CCDC171: variants seen among roughly 807,000 people sequenced by gnomAD.
The protein encoded by CCDC171 is coiled-coil domain containing 171.
Under a neutral mutation model 168.2 loss-of-function variants are expected in CCDC171, and 177 were observed. The ratio of observed to expected loss-of-function variants is 1.05; its 90% CI spans 0.93 to 1.19. The LOEUF is 1.19. Among genes scored for constraint, CCDC171 ranks in the 50% most tolerant of loss-of-function variants. The pLI is 0.00. For missense variants in CCDC171, 1,991 were observed against 1,539.0 expected (o/e 1.29, Z -4.91); for synonymous variants, 687 against 540.8 (o/e 1.27, Z -3.75).
chr9:15,773,171 C>T (rs187279015), intron 18 of CCDC171, among the ~76,000 whole-genome samples: 1 of 152,194 alleles, frequency 6.6e-6, no homozygotes, highest in East Asian at 1.9e-4. Context: ...CTCTCTCTTC[C>T]ACATAATAGA....
chr9:15,891,854 A>G (rs1430625230), intron 24 of CCDC171, among the ~76,000 whole-genome samples: 3 of 152,066 alleles, frequency 2.0e-5, no homozygotes, highest in Admixed American at 1.3e-4. Flanking sequence ...TACCATTCCT[A>G]ATTACAAGGA....
chr9:15,809,717 T>A (rs2059247868), intron 21 of CCDC171, among the ~76,000 whole-genome samples: 1 of 152,172 alleles, frequency 6.6e-6, no homozygotes, highest in African/African-American at 2.4e-5. Context: ...GTGTTACAGC[T>A]CATAAAGGCA....
At chr9:15,624,660 G>T (rs556930166) in intron 7 of CCDC171, among the ~76,000 whole-genome samples, 2 of 152,174 alleles carry the variant, frequency 1.3e-5, no homozygotes, top group Non-Finnish European at 2.9e-5. Flanking sequence ...TTTTATGGCT[G>T]CATAGTATTC....
chr9:15,631,702 GCAGAGACA>G (rs2045720299), intron 7 of CCDC171, among the ~76,000 whole-genome samples: 1 of 152,144 alleles, frequency 6.6e-6, no homozygotes, highest in Non-Finnish European at 1.5e-5. Context: ...CGAAAGCCGG[GCAGAGACA>G]CAACCAAAAA....
At chr9:15,598,906 G>T (rs1488633390) in intron 6 of CCDC171, among the ~76,000 whole-genome samples, 2 of 151,874 alleles carry the variant, frequency 1.3e-5, no homozygotes, top group African/African-American at 4.8e-5. Context: ...TTATGTAATG[G>T]CCTTCTTTGT....
At chr9:16,087,557 C>CTTTTTTTTTTTTTTTTTTT in the CCDC171 span, among the ~76,000 whole-genome samples, 1 of 78,800 alleles carries the variant, frequency 1.3e-5, no homozygotes, top group African/African-American at 5.5e-5. Context: ...GCAACTCCTG[C>CTTTTTTTTTTTTTTTTTTT]TTTTTTTTTT....
chr9:15,960,274 A>G (rs754564358), intron 25 of CCDC171, among the ~76,000 whole-genome samples: 4 of 152,246 alleles, frequency 2.6e-5, no homozygotes, highest in Non-Finnish European at 5.9e-5. Flanking sequence ...TCTAATAAAT[A>G]ATCCCCAAAA....
intron 2 of CCDC171, among the ~76,000 whole-genome samples, chr9:15,566,414 C>T (rs2039730922): frequency 2.0e-5 from 3 of 151,988 alleles, no homozygotes; most frequent in Non-Finnish European, 4.4e-5. Context: ...CAAAAATTAG[C>T]CAGGCGTGGT....
chr9:15,594,703 A>C (rs2042217692), intron 6 of CCDC171, among the ~76,000 whole-genome samples: 1 of 152,168 alleles, frequency 6.6e-6, no homozygotes, highest in Admixed American at 6.6e-5. Context: ...TTACTGACTT[A>C]GGTTATAGAC....
At chr9:15,713,293 G>T (rs940569079) in intron 11 of CCDC171, among the ~76,000 whole-genome samples, 9 of 144,340 alleles carry the variant, frequency 6.2e-5, no homozygotes, top group African/African-American at 1.0e-4. Flanking sequence ...ATAACATACA[G>T]AACCATCTAT....
intron 21 of CCDC171, among the ~76,000 whole-genome samples, chr9:15,814,524 T>C (rs1197630830): frequency 6.6e-6 from 1 of 152,180 alleles, no homozygotes; most frequent in East Asian, 1.9e-4. Context: ...TTTTAAATGT[T>C]GCTCTCTGCT....
chr9:15,674,190 G>A (rs557401763), intron 9 of CCDC171, among the ~76,000 whole-genome samples: 1 of 152,140 alleles, frequency 6.6e-6, no homozygotes, highest in South Asian at 2.1e-4. Context: ...GTATTTCTGT[G>A]GGATCGGTGG....
chr9:15,889,912 G>T (rs1423045873), intron 24 of CCDC171, among the ~76,000 whole-genome samples: 1 of 152,134 alleles, frequency 6.6e-6, no homozygotes, highest in Non-Finnish European at 1.5e-5. Flanking sequence ...TGGATTCCTG[G>T]TAGTCCATAG....
chr9:15,988,175 T>TA (rs1320036786), intron 3 of CCDC171, among the ~76,000 whole-genome samples: 2 of 152,252 alleles, frequency 1.3e-5, no homozygotes, highest in African/African-American at 4.8e-5. Flanking sequence ...TCTCAGCTGT[T>TA]AAACTACAGC....
chr9:16,103,438 C>T, the CCDC171 span, among the ~76,000 whole-genome samples: 2 of 152,162 alleles, frequency 1.3e-5, no homozygotes, highest in African/African-American at 4.8e-5. Flanking sequence ...CGGCACTTGT[C>T]TGTGAAAATG....
intron 8 of CCDC171, among the ~76,000 whole-genome samples, chr9:15,661,637 T>A (rs2048331210): frequency 6.6e-6 from 1 of 152,242 alleles, no homozygotes; most frequent in Non-Finnish European, 1.5e-5. Flanking sequence ...CTATAACTAA[T>A]CACCATCTTA....
chr9:15,695,417 C>T, intron 11 of CCDC171, 80 bp downstream of exon 11: 1 of 989,448 alleles, frequency 1.0e-6, no homozygotes, highest in African/African-American at 1.6e-5. Flanking sequence ...GCAGATGCCT[C>T]TTGTAGTCCC....
chr9:15,594,539 T>G (rs895427641), intron 6 of CCDC171, among the ~76,000 whole-genome samples: 2 of 152,180 alleles, frequency 1.3e-5, no homozygotes, highest in African/African-American at 4.8e-5. Flanking sequence ...AGTGTAGTAA[T>G]TTTTGAACTC....
chr9:15,853,796 T>TATGAA, intron 23 of CCDC171, among the ~76,000 whole-genome samples: 1 of 151,692 alleles, frequency 6.6e-6, no homozygotes, highest in East Asian at 1.9e-4. Context: ...TGAGTGTTTT[T>TATGAA]ATGAAAAGGA....
Sources: gnomAD v4.1 joint callset for allele counts (sites outside exome capture counted in the v4.1 genomes callset) on GRCh38, gnomAD v4.1.1 for gene constraint, MANE v1.5 for transcripts, NCBI Gene and HGNC (gene_info 2026-07-23, HGNC 2026-07-21) for gene names.